The following PHLDB2 variants were observed in gnomAD, a reference collection of about 807,000 sequenced individuals.
PHLDB2 encodes pleckstrin homology-like domain family B member 2.
A neutral mutation model predicts 123.6 loss-of-function variants in PHLDB2; 71 were observed. The observed-to-expected ratio is 0.57, with a 90% confidence interval of 0.47 to 0.70. The LOEUF (loss-of-function observed/expected upper bound fraction) is 0.70. PHLDB2 is among the 30% of genes least tolerant of loss of function. The pLI, the probability that PHLDB2 is intolerant of heterozygous loss-of-function variation, is 0.00. For missense variants in PHLDB2, 1,446 were observed against 1,519.5 expected, an observed-to-expected ratio of 0.95 and a Z score of 0.80; for synonymous variants, 547 against 541.6, an observed-to-expected ratio of 1.01 and a Z score of -0.14.
intron 1 of PHLDB2, among the ~76,000 whole-genome samples, chr3:111,743,378 G>A (rs1487471128): frequency 2.6e-5 from 4 of 152,150 alleles, no homozygotes; most frequent in African/African-American, 9.7e-5. Flanking sequence ...GAAAAATTCT[G>A]TGCAGTCCAG....
chr3:111,958,385 A>G (rs1577195129), intron 12 of PHLDB2: 1 of 795,182 alleles, frequency 1.3e-6, no homozygotes, highest in East Asian at 1.1e-4. Flanking sequence ...TACTTTCTAT[A>G]TTACAGCCCA....
At chr3:111,859,221 G>A (rs1413341173), upstream of PHLDB2, 1 of 985,356 alleles carries the variant, frequency 1.0e-6, no homozygotes, top group Non-Finnish European at 1.2e-6. Flanking sequence ...AAACCCTCCC[G>A]CCCTTCTTTC....
At chr3:111,909,595 C>G (rs2067758175) in intron 2 of PHLDB2, among the ~76,000 whole-genome samples, 1 of 151,702 alleles carries the variant, frequency 6.6e-6, no homozygotes, top group African/African-American at 2.4e-5. Flanking sequence ...CAGACTTTGT[C>G]TCAGGAAAAA....
chr3:111,739,573 T>TAAAA (rs1231413646), intron 1 of PHLDB2, among the ~76,000 whole-genome samples: 18 of 11,736 alleles, frequency 1.5e-3, no homozygotes, highest in African/African-American at 2.9e-3. Context: ...CTTCTGAAGT[T>TAAAA]AAAAAAAAAA....
intron 2 of PHLDB2, among the ~76,000 whole-genome samples, chr3:111,897,972 C>T (rs1577029513): frequency 6.6e-6 from 1 of 152,130 alleles, no homozygotes; most frequent in Non-Finnish European, 1.5e-5. Flanking sequence ...AAGTATGCAA[C>T]AGCATTATGT....
intron 1 of PHLDB2, 155 bp downstream of exon 1, chr3:111,859,731 C>T (rs1476363262): frequency 5.1e-6 from 5 of 984,716 alleles, no homozygotes; most frequent in Non-Finnish European, 4.8e-6. Context: ...AGTGGCTGCC[C>T]GGGCCGAGGA....
intron 5 of PHLDB2, among the ~76,000 whole-genome samples, chr3:111,931,432 T>G (rs891938420): frequency 3.9e-5 from 6 of 152,214 alleles, no homozygotes; most frequent in Non-Finnish European, 7.3e-5. Flanking sequence ...CTAGAGAATG[T>G]CCAGGGTCTC....
Position 111,962,215 on chromosome 3 carries a change from C to G in PHLDB2, c.2980C>G (p.His994Asp). The G allele has an allele frequency of 6.3e-7, 1 of 1,581,684 alleles. No individual in the cohort carries two copies. The highest frequency in any genetic ancestry group is 1.7e-4 in the Middle Eastern group (1 of 5,942). Residue 994 changes from histidine (H) to aspartate (D), a missense_variant, in exon 13 of 18, where the codon CAC (histidine) becomes GAC (aspartate). Physicochemically the swap from His to Asp is moderately conservative, Grantham distance 81 (BLOSUM62 -1). Coordinates refer to ENST00000431670, the MANE Select transcript of PHLDB2 (RefSeq NM_001134438.2). ...VYLNSFHYPD[H>D]SYKDQAFDTL... ...CTTGAATAGTTTCCATTATCCAGATCACAGCTACAAGGACCAGGCCTTTGA... is the reference window on the plus strand; with the variant it reads ...CTTGAATAGTTTCCATTATCCAGATGACAGCTACAAGGACCAGGCCTTTGA...
intron 2 of PHLDB2, among the ~76,000 whole-genome samples, chr3:111,907,210 G>T (rs972370442): frequency 1.3e-5 from 2 of 152,082 alleles, no homozygotes; most frequent in Non-Finnish European, 2.9e-5. Flanking sequence ...GGGTTTCCTA[G>T]ACCACCCTCA....
At chr3:111,744,835 C>T (rs962350288) in intron 1 of PHLDB2, among the ~76,000 whole-genome samples, 1 of 152,118 alleles carries the variant, frequency 6.6e-6, no homozygotes, top group South Asian at 2.1e-4. Flanking sequence ...GAATGAAAAG[C>T]TCTTAGTATA....
intron 1 of PHLDB2, among the ~76,000 whole-genome samples, chr3:111,761,858 A>T (rs1275700480): frequency 6.6e-6 from 1 of 152,180 alleles, no homozygotes; most frequent in Non-Finnish European, 1.5e-5. Context: ...AACCAGCCCA[A>T]CATTTTTTTT....
At chr3:111,890,512 C>T (rs752200727) in intron 2 of PHLDB2, among the ~76,000 whole-genome samples, 44 of 152,150 alleles carry the variant, frequency 2.9e-4, no homozygotes, top group Non-Finnish European at 4.1e-4. Flanking sequence ...AAAAAGTAAA[C>T]GCAACTCTTA....
At chr3:111,963,016 T>C (rs2071512639) in intron 13 of PHLDB2, among the ~76,000 whole-genome samples, 1 of 152,042 alleles carries the variant, frequency 6.6e-6, no homozygotes, top group African/African-American at 2.4e-5. Flanking sequence ...TTCTTACCCT[T>C]GTATTTGTTA....
chr3:111,816,642 G>A (rs1313330324), intron 1 of PHLDB2, among the ~76,000 whole-genome samples: 1 of 152,144 alleles, frequency 6.6e-6, no homozygotes, highest in Admixed American at 6.5e-5. Flanking sequence ...CAGGCTCATA[G>A]GCAGAAGGGA....
intron 5 of PHLDB2, among the ~76,000 whole-genome samples, chr3:111,926,993 A>G (rs537466195): frequency 3.3e-5 from 5 of 152,330 alleles, no homozygotes; most frequent in South Asian, 2.1e-4. Flanking sequence ...GGACGTATGC[A>G]TATGTCCAGA....
chr3:111,827,001 A>C (rs1464563610), intron 1 of PHLDB2, among the ~76,000 whole-genome samples: 2 of 152,224 alleles, frequency 1.3e-5, no homozygotes, highest in Non-Finnish European at 2.9e-5. Context: ...AGTTAAACGC[A>C]AATGCTTTTT....
chr3:111,971,705 C>T (rs867959177), intron 16 of PHLDB2, among the ~76,000 whole-genome samples: 24 of 152,124 alleles, frequency 1.6e-4, no homozygotes, highest in African/African-American at 5.8e-4. Context: ...TCATCCAGAT[C>T]GCAATTTACG....
intron 1 of PHLDB2, among the ~76,000 whole-genome samples, chr3:111,747,857 A>G (rs2059704921): frequency 6.6e-6 from 1 of 152,110 alleles, no homozygotes; most frequent in Non-Finnish European, 1.5e-5. Context: ...ATTTGGAGTG[A>G]GAAAGAGTTT....
At chr3:111,932,029 G>C (rs1395250773) in intron 5 of PHLDB2, among the ~76,000 whole-genome samples, 1 of 152,188 alleles carries the variant, frequency 6.6e-6, no homozygotes, top group Non-Finnish European at 1.5e-5. Context: ...GGGAGGGAAG[G>C]AAAGTGGGAG....
Sources: allele counts gnomAD v4.1 joint callset (sites outside exome capture counted in the v4.1 genomes callset), GRCh38; gene constraint gnomAD v4.1.1; transcripts MANE v1.5; gene names NCBI Gene and HGNC (gene_info 2026-07-23, HGNC 2026-07-21).